CDHR3: variants seen among roughly 807,000 people sequenced by gnomAD.
The protein encoded by CDHR3 is cadherin-related family member 3.
Under a neutral mutation model 86.6 loss-of-function variants are expected in CDHR3, and 79 were observed. That is an observed-to-expected ratio of 0.91 (90% CI 0.76 to 1.10). The LOEUF (loss-of-function observed/expected upper bound fraction) is 1.10. Among genes scored for constraint, CDHR3 ranks in the 50% least tolerant of loss-of-function variants. CDHR3 has a pLI of 0.00. For missense variants in CDHR3, 1,081 were observed against 1,077.6 expected, an observed-to-expected ratio of 1.00 and a Z score of -0.04; for synonymous variants, 421 against 402.4, an observed-to-expected ratio of 1.05 and a Z score of -0.55.
intron 8 of CDHR3, 80 bp from the exon 9 acceptor site, chr7:106,012,780 G>A: frequency 6.9e-7 from 1 of 1,445,782 alleles, no homozygotes; most frequent in Non-Finnish European, 9.3e-7. Flanking sequence ...AAGTAGAGGT[G>A]TCTAGCCCAG....
intron 1 of CDHR3, among the ~76,000 whole-genome samples, chr7:105,964,885 G>A (rs1826619459): frequency 6.6e-6 from 1 of 152,170 alleles, no homozygotes; most frequent in Non-Finnish European, 1.5e-5. Context: ...GAGCAGTTCA[G>A]ACTGTCACTT....
chr7:105,984,316 G>A, intron 4 of CDHR3, 27 bp downstream of exon 4: 3 of 1,555,840 alleles, frequency 1.9e-6, no homozygotes, highest in Non-Finnish European at 2.6e-6. Flanking sequence ...GGAAGAGGTG[G>A]TGTTTGTCCG....
Position 106,036,417 on chromosome 7 carries a change from T to C in CDHR3, c.*3720T>C, listed in dbSNP as rs191686504. The stretch of plus-strand genomic sequence containing the variant: ...ATCCTTCGTATTCATTCAATAAATA[T>C]CTGTGGAGCAACTACCATGTGCCAA... On this transcript the variant is annotated 3_prime_UTR_variant, in exon 19 of 19. Transcript: ENST00000317716. The C allele has an allele frequency of 1.8e-4, 28 of 152,296 alleles. No individual in the cohort carries two copies. Among genetic ancestry groups the C allele is most frequent in the Admixed American group, 1.7e-3 (26 of 15,300 alleles). The allele number at this position is 152,296 out of a possible 1,614,324, so 9.4% of individuals were successfully genotyped here. A position where few individuals can be genotyped will look rare whatever the true frequency, so the allele number is the denominator to read the frequency against.
At chr7:105,964,474 G>A (rs1460878697) in intron 1 of CDHR3, among the ~76,000 whole-genome samples, 1 of 151,744 alleles carries the variant, frequency 6.6e-6, no homozygotes, top group Non-Finnish European at 1.5e-5. Context: ...CTAACTGCCA[G>A]GCCTGGACAT....
chr7:106,024,382 C>T lies in CDHR3; in HGVS notation c.2078C>T (p.Pro693Leu). The T allele has an allele frequency of 6.2e-7, 1 of 1,613,816 alleles. No homozygotes were observed. Among genetic ancestry groups the T allele is most frequent in the Non-Finnish European group, 8.5e-7 (1 of 1,179,780 alleles). The change falls in exon 15 of 19, where the codon CCC becomes CTC. Residue 693 changes from proline (P) to leucine (L), a missense_variant and splice_region_variant. By Grantham distance (98) the Pro-to-Leu change is moderately conservative. Coordinates refer to ENST00000317716, the MANE Select transcript of CDHR3 (RefSeq NM_152750.5). Reference sequence around the variant, plus strand: ...CCTCCCTGCTCTCTGTTGTTCAAGCCCAGGGTCACCTATCAGGTCCTGAGG... The same window carrying T: ...CCTCCCTGCTCTCTGTTGTTCAAGCTCAGGGTCACCTATCAGGTCCTGAGG... ...PTTIITTTPR[P>L]RVTYQVLRKN...
At position 106,001,481 on chromosome 7, in the gene CDHR3, G is replaced by T; in HGVS notation, c.733G>T (p.Val245Phe). The change falls in exon 7 of 19, where the codon GTC (valine) becomes TTC (phenylalanine). Residue 245 changes from valine (V) to phenylalanine (F), a missense_variant. By Grantham distance (50) the Val-to-Phe change is conservative (BLOSUM62 -1). Coordinates refer to ENST00000317716, the MANE Select transcript of CDHR3 (RefSeq NM_152750.5). Reference protein sequence around the residue: ...RFTSPTRVYTVLEELSPGTIV... With the variant: ...RFTSPTRVYTFLEELSPGTIV... ...TTCCAGCCCGACACGAGTGTACACAGTCCTGGAGGAACTGAGTCCAGGAAC... is the reference window on the plus strand; with the variant it reads ...TTCCAGCCCGACACGAGTGTACACATTCCTGGAGGAACTGAGTCCAGGAAC... 6.2e-7 allele frequency: 1 copy of T among 1,614,050 alleles called. No individual in the cohort carries two copies. Among genetic ancestry groups the T allele is most frequent in the South Asian group, 1.1e-5 (1 of 91,086 alleles).
chr7:105,994,929 A>G, intron 5 of CDHR3, 84 bp downstream of exon 5: 1 of 1,126,694 alleles, frequency 8.9e-7, no homozygotes, highest in Non-Finnish European at 1.3e-6. Flanking sequence ...GTGCAACCTG[A>G]GGGCAGCTGG....
chr7:106,017,146 T>C (rs1357210161), intron 11 of CDHR3, among the ~76,000 whole-genome samples: 2 of 152,190 alleles, frequency 1.3e-5, no homozygotes, highest in Admixed American at 1.3e-4. Flanking sequence ...TTATAGAAAA[T>C]TGAAAAACAC....
chr7:106,005,074 T>G (rs1833764960), intron 8 of CDHR3, among the ~76,000 whole-genome samples: 1 of 152,206 alleles, frequency 6.6e-6, no homozygotes, highest in Non-Finnish European at 1.5e-5. Context: ...GCAGTTATAA[T>G]AGACGTTTGA....
intron 2 of CDHR3, among the ~76,000 whole-genome samples, chr7:105,978,528 A>G (rs112721577): frequency 2.5e-4 from 38 of 152,278 alleles, no homozygotes; most frequent in African/African-American, 8.7e-4. Flanking sequence ...CCCACAACCA[A>G]ATCGAGGGTC....
At chr7:106,011,100 C>T (rs534785992) in intron 8 of CDHR3, among the ~76,000 whole-genome samples, 1 of 152,334 alleles carries the variant, frequency 6.6e-6, no homozygotes, top group South Asian at 2.1e-4. Flanking sequence ...ATTCTCATGA[C>T]AGCCACGATA....
chr7:105,964,192 A>ATTT (rs1826501666), intron 1 of CDHR3, among the ~76,000 whole-genome samples: 2 of 152,010 alleles, frequency 1.3e-5, no homozygotes, highest in Admixed American at 6.5e-5. Flanking sequence ...TTTTCTTAGG[A>ATTT]GTATTTTGAG....
In CDHR3 at chr7:106,012,995, A is replaced by AT. The variant is rs1306876508; in HGVS notation, c.1193dup (p.Leu398PhefsTer15). ...CATCTGGAGTGGGGAGCGGCAGCAG[A>AT]TTTTTACAGGATCCAGCTGGCTCTG... On this transcript the variant is annotated frameshift_variant, in exon 9 of 19. Coordinates refer to ENST00000317716, the MANE Select transcript of CDHR3 (RefSeq NM_152750.5). LOFTEE classifies it high-confidence loss of function. The AT allele has an allele frequency of 1.2e-6, 2 of 1,611,942 alleles. No individual in the cohort carries two copies. Among genetic ancestry groups the AT allele is most frequent in the Admixed American group, 3.4e-5 (2 of 59,612 alleles).
intron 17 of CDHR3, among the ~76,000 whole-genome samples, chr7:106,029,603 T>G (rs549991703): frequency 6.6e-6 from 1 of 151,084 alleles, no homozygotes; most frequent in African/African-American, 2.4e-5. Context: ...ATCTACCCCC[T>G]GGGAAGTGAA....
At position 106,034,801 on chromosome 7, in the gene CDHR3, G is replaced by A. The variant is rs1244626861; in HGVS notation, c.*2104G>A. On this transcript the variant is annotated 3_prime_UTR_variant, in exon 19 of 19. Transcript: ENST00000317716. Reference sequence around the variant, plus strand: ...CCATTAAGAATGATTAAAAGGGCCGGGTGAGGTGGCTCATGCCTGTAATCC... The same window carrying A: ...CCATTAAGAATGATTAAAAGGGCCGAGTGAGGTGGCTCATGCCTGTAATCC... 6.6e-6 allele frequency among the ~76,000 whole-genome samples: 1 copy of A among 152,222 alleles called. No individual in the cohort carries two copies. Among genetic ancestry groups the A allele is most frequent in the African/African-American group, 2.4e-5 (1 of 41,456 alleles).
intron 3 of CDHR3, among the ~76,000 whole-genome samples, chr7:105,983,418 G>A (rs552422768): frequency 1.3e-5 from 2 of 152,068 alleles, no homozygotes; most frequent in Non-Finnish European, 1.5e-5. Context: ...CACTAATTAC[G>A]CTAAAAGAAT....
intron 15 of CDHR3, among the ~76,000 whole-genome samples, chr7:106,025,826 A>G (rs1837267621): frequency 1.3e-5 from 2 of 152,186 alleles, no homozygotes; most frequent in African/African-American, 4.8e-5. Context: ...CATCTGCTGA[A>G]ATTAAAAAAG....
intron 17 of CDHR3, among the ~76,000 whole-genome samples, chr7:106,029,651 C>G (rs1435477707): frequency 6.6e-6 from 1 of 152,038 alleles, no homozygotes; most frequent in Non-Finnish European, 1.5e-5. Context: ...CAGCTCTTCC[C>G]TACCCCCACG....
In CDHR3 at chr7:106,034,269, T is replaced by C. The variant is rs1433718372; in HGVS notation, c.*1572T>C. On this transcript the variant is annotated 3_prime_UTR_variant, in exon 19 of 19. Transcript: ENST00000317716. Reference sequence around the variant, plus strand: ...CTGAGCAAGCTTCACTCGAGCTCTATGCCCTGCTGCCCAGCTGCTGCGACC... The same window carrying C: ...CTGAGCAAGCTTCACTCGAGCTCTACGCCCTGCTGCCCAGCTGCTGCGACC... Among the ~76,000 whole-genome samples the C allele has an allele frequency of 6.6e-6, 1 of 152,236 alleles. No individual in the cohort carries two copies. Among genetic ancestry groups the C allele is most frequent in the East Asian group, 1.9e-4 (1 of 5,198 alleles).
Sources: gnomAD v4.1 joint callset for allele counts (sites outside exome capture counted in the v4.1 genomes callset) on GRCh38, gnomAD v4.1.1 for gene constraint, MANE v1.5 for transcripts, NCBI Gene and HGNC (gene_info 2026-07-23, HGNC 2026-07-21) for gene names.